The following CIMAP1A variants were observed in gnomAD, a reference collection of about 807,000 sequenced individuals.
CIMAP1A encodes ciliary microtubule associated protein 1A.
the CIMAP1A span, chr11:198,877 T>C: frequency 7.8e-6 from 10 of 1,285,186 alleles, no homozygotes; most frequent in Non-Finnish European, 5.9e-6. Context: ...TAGGGTAGCA[T>C]GGAAAGAAGA....
the CIMAP1A span, chr11:197,423 TGA>T: frequency 1.9e-6 from 3 of 1,598,320 alleles, no homozygotes; most frequent in East Asian, 4.5e-5. Flanking sequence ...GGTAAGAGCC[TGA>T]GAGACTGTGG....
chr11:199,053 A>G, the CIMAP1A span: 1 of 1,238,106 alleles, frequency 8.1e-7, no homozygotes, highest in Non-Finnish European at 1.0e-6. Context: ...TGATTTTGCC[A>G]GCCCCAGGCC....
chr11:198,042 A>G, the CIMAP1A span: 1 of 1,541,016 alleles, frequency 6.5e-7, no homozygotes, highest in African/African-American at 1.4e-5. Context: ...TGAAGTCAGC[A>G]TTTCCATCCT....
the CIMAP1A span, chr11:198,858 A>C: frequency 7.5e-7 from 1 of 1,329,520 alleles, no homozygotes; most frequent in Non-Finnish European, 9.6e-7. Context: ...AGAGAGAGGC[A>C]ATCTTAGATA....
At chr11:197,428 G>C in the CIMAP1A span, 3 of 1,598,216 alleles carry the variant, frequency 1.9e-6, no homozygotes, top group East Asian at 4.5e-5. Context: ...GAGCCTGAGA[G>C]ACTGTGGGAG....
chr11:199,587 G>A, the CIMAP1A span: 1 of 1,497,508 alleles, frequency 6.7e-7, no homozygotes, highest in Non-Finnish European at 8.9e-7. Context: ...AAAGAGCAGG[G>A]AGGGGGGCTG....
chr11:199,630 T>C, the CIMAP1A span: 5 of 1,027,722 alleles, frequency 4.9e-6, no homozygotes, highest in East Asian at 8.1e-5. Flanking sequence ...GGTCAGGCTA[T>C]GGAAGGACAC....
chr11:198,477 C>T, the CIMAP1A span: 2 of 1,613,304 alleles, frequency 1.2e-6, no homozygotes, highest in Admixed American at 1.7e-5. Flanking sequence ...CCGCTGCGTA[C>T]ATGCTGCCCA....
the CIMAP1A span, chr11:199,134 T>G: frequency 7.2e-7 from 1 of 1,392,842 alleles, no homozygotes; most frequent in Non-Finnish European, 9.3e-7. Flanking sequence ...TGGCACACAC[T>G]GGGGATGCCA....
chr11:199,467 C>T, the CIMAP1A span: 3 of 1,561,392 alleles, frequency 1.9e-6, no homozygotes, highest in South Asian at 2.4e-5. Flanking sequence ...CCCCAGGGGA[C>T]AAGACCCTCA....
chr11:197,394 C>A, the CIMAP1A span: 1 of 1,601,506 alleles, frequency 6.2e-7, no homozygotes, highest in Non-Finnish European at 8.5e-7. Flanking sequence ...GACCCAAGTA[C>A]CTGATTCCAC....
the CIMAP1A span, chr11:200,020 T>A: frequency 6.2e-7 from 1 of 1,613,988 alleles, no homozygotes; most frequent in Non-Finnish European, 8.5e-7. Context: ...CCCCTGCTGG[T>A]TGATGTGGAA....
the CIMAP1A span, chr11:197,689 G>C: frequency 6.2e-7 from 1 of 1,613,766 alleles, no homozygotes; most frequent in South Asian, 1.1e-5. Flanking sequence ...ACTGAGGACT[G>C]GCAAGGACCT....
At chr11:199,377 T>C in the CIMAP1A span, 1 of 1,571,524 alleles carries the variant, frequency 6.4e-7, no homozygotes, top group African/African-American at 1.4e-5. Context: ...AGACCCCAGG[T>C]CCCGCAGCCT....
the CIMAP1A span, chr11:199,950 C>T: frequency 3.1e-6 from 5 of 1,613,988 alleles, no homozygotes; most frequent in African/African-American, 1.3e-5. Context: ...CCAGGTGACC[C>T]TGACCAAGCC....
the CIMAP1A span, chr11:199,285 C>G: frequency 6.6e-7 from 1 of 1,524,684 alleles, no homozygotes; most frequent in African/African-American, 1.4e-5. Flanking sequence ...ACCCTGTTGA[C>G]TCAGAGCCTG....
At chr11:199,434 C>T in the CIMAP1A span, 2 of 1,570,484 alleles carry the variant, frequency 1.3e-6, no homozygotes, top group Non-Finnish European at 1.7e-6. Context: ...CTCCGCAGTA[C>T]ACCATGGCTG....
chr11:197,783 TCCTGCCCTGCGCAGCCTCAGG>T, the CIMAP1A span: 1 of 1,610,542 alleles, frequency 6.2e-7, no homozygotes, highest in Non-Finnish European at 8.5e-7. Context: ...TGTCTCAGGC[TCCTGCCCTGCGCAGCCTCAGG>T]CCTGCCCCTC....
At chr11:198,580 C>T in the CIMAP1A span, 1 of 1,607,932 alleles carries the variant, frequency 6.2e-7, no homozygotes, top group Admixed American at 1.7e-5. Context: ...CGACGACCTA[C>T]ACAAGGCAAG....
Sources: gnomAD v4.1 joint callset for allele counts on GRCh38, gnomAD v4.1.1 for gene constraint, MANE v1.5 for transcripts, NCBI Gene and HGNC (gene_info 2026-07-23, HGNC 2026-07-21) for gene names.